The following NOL4 variants were observed in gnomAD, a reference collection of about 807,000 sequenced individuals.
NOL4 encodes the protein nucleolar protein 4, also known as cancer/testis antigen 125.
NOL4 carries 17 observed loss-of-function variants against 75.9 expected under a neutral mutation model. The ratio of observed to expected loss-of-function variants is 0.22; its 90% CI spans 0.15 to 0.34. The LOEUF (loss-of-function observed/expected upper bound fraction) is 0.34, where lower values mean the gene tolerates loss of function less well. Among genes scored for constraint, NOL4 ranks in the 10% least tolerant of loss-of-function variants. NOL4 has a pLI of 1.00. For missense variants in NOL4, 614 were observed against 793.5 expected (o/e 0.77, Z 2.72); for synonymous variants, 292 against 289.9 (o/e 1.01, Z -0.07).
intron 6 of NOL4, among the ~76,000 whole-genome samples, chr18:33,968,041 G>A (rs1600091151): frequency 1.3e-5 from 2 of 152,050 alleles, no homozygotes; most frequent in South Asian, 2.1e-4. Flanking sequence ...AGCCGAGATC[G>A]TGCCACTGCA....
chr18:33,889,401 C>T (rs2064963969), intron 9 of NOL4, among the ~76,000 whole-genome samples: 1 of 151,974 alleles, frequency 6.6e-6, no homozygotes, highest in Admixed American at 6.6e-5. Context: ...CAAAAAAAGT[C>T]CTGGACCAGA....
At chr18:34,200,690 A>T (rs928241378) in intron 1 of NOL4, among the ~76,000 whole-genome samples, 1 of 151,802 alleles carries the variant, frequency 6.6e-6, no homozygotes, top group African/African-American at 2.4e-5. Context: ...TGCAGGGCAT[A>T]CACTTAGGCA....
chr18:33,894,814 C>A (rs2144879989), intron 9 of NOL4, among the ~76,000 whole-genome samples: 1 of 152,148 alleles, frequency 6.6e-6, no homozygotes, highest in Non-Finnish European at 1.5e-5. Context: ...GTTACCCAGC[C>A]TCTGAGCCAG....
At chr18:33,977,711 G>A (rs146972766) in intron 6 of NOL4, among the ~76,000 whole-genome samples, 20 of 152,166 alleles carry the variant, frequency 1.3e-4, no homozygotes, top group African/African-American at 2.9e-4. Context: ...TTATGTTGAC[G>A]TCATGTGACA....
At chr18:33,931,329 G>A (rs572714037) in intron 9 of NOL4, among the ~76,000 whole-genome samples, 1 of 152,276 alleles carries the variant, frequency 6.6e-6, no homozygotes, top group South Asian at 2.1e-4. Context: ...TATAGCAGGT[G>A]CTACTGACAT....
intron 10 of NOL4, among the ~76,000 whole-genome samples, chr18:33,862,487 C>CCT (rs2063198242): frequency 6.6e-6 from 1 of 151,920 alleles, no homozygotes; most frequent in South Asian, 2.1e-4. Context: ...ACCGGCAACG[C>CCT]ACAAAATGGG....
intron 5 of NOL4, among the ~76,000 whole-genome samples, chr18:34,022,276 C>A (rs951062678): frequency 6.6e-6 from 1 of 151,520 alleles, no homozygotes; most frequent in Non-Finnish European, 1.5e-5. Context: ...GTTCAAATGG[C>A]AAAATTCTAG....
chr18:34,110,128 CAAAAAAAAAAAAAAAAAA>C (rs57576599), intron 2 of NOL4, among the ~76,000 whole-genome samples: 17 of 47,866 alleles, frequency 3.6e-4, no homozygotes, highest in South Asian at 3.2e-3. Context: ...CGCCCTCCCA[CAAAAAAAAAAAAAAAAAA>C]AAAAAAAAAA....
At chr18:34,075,100 C>T (rs2077688347) in intron 5 of NOL4, among the ~76,000 whole-genome samples, 1 of 152,108 alleles carries the variant, frequency 6.6e-6, no homozygotes. Flanking sequence ...GTACATTATA[C>T]AGGTTGAGTA....
At chr18:34,158,828 T>G (rs1007343278) in intron 1 of NOL4, among the ~76,000 whole-genome samples, 7 of 152,194 alleles carry the variant, frequency 4.6e-5, no homozygotes, top group African/African-American at 1.7e-4. Flanking sequence ...TGTCTGCTAA[T>G]AGAAGAGGCG....
intron 6 of NOL4, among the ~76,000 whole-genome samples, chr18:33,988,167 C>G (rs1229913308): frequency 6.6e-6 from 1 of 151,950 alleles, no homozygotes; most frequent in Non-Finnish European, 1.5e-5. Context: ...AAAAGAAAAA[C>G]ACTGTCATAG....
At chr18:34,131,476 T>C (rs2080648266) in intron 1 of NOL4, among the ~76,000 whole-genome samples, 1 of 151,972 alleles carries the variant, frequency 6.6e-6, no homozygotes, top group African/African-American at 2.4e-5. Flanking sequence ...TAACCACCTT[T>C]CCTAGGCTGA....
intron 6 of NOL4, among the ~76,000 whole-genome samples, chr18:33,973,029 C>T (rs1410383374): frequency 1.3e-5 from 2 of 152,216 alleles, no homozygotes; most frequent in African/African-American, 2.4e-5. Flanking sequence ...TTCTCTGTAA[C>T]ATGTGAGGTT....
At chr18:34,189,173 A>G (rs964127847) in intron 1 of NOL4, among the ~76,000 whole-genome samples, 2 of 152,202 alleles carry the variant, frequency 1.3e-5, no homozygotes, top group African/African-American at 2.4e-5. Flanking sequence ...CTTGTGCTGC[A>G]TCATAACATG....
intron 5 of NOL4, among the ~76,000 whole-genome samples, chr18:34,026,116 T>C (rs1027990338): frequency 2.0e-5 from 3 of 152,216 alleles, no homozygotes; most frequent in Admixed American, 2.0e-4. Flanking sequence ...TCTAACACAA[T>C]GGTCATTGGC....
chr18:34,056,365 G>A (rs768785703), intron 5 of NOL4, among the ~76,000 whole-genome samples: 7 of 152,064 alleles, frequency 4.6e-5, no homozygotes, highest in Admixed American at 6.6e-5. Context: ...CTCTGGGCTC[G>A]TGTATGTCTT....
At chr18:34,131,073 GACACACAC>G (rs35968611) in intron 1 of NOL4, among the ~76,000 whole-genome samples, 17 of 145,432 alleles carry the variant, frequency 1.2e-4, no homozygotes, top group Admixed American at 6.9e-4. Flanking sequence ...CACATACACC[GACACACAC>G]ACACACACAC....
At chr18:33,984,616 T>C (rs542647489) in intron 6 of NOL4, among the ~76,000 whole-genome samples, 2 of 152,226 alleles carry the variant, frequency 1.3e-5, no homozygotes, top group South Asian at 4.1e-4. Flanking sequence ...GCTCCTGCTC[T>C]GGCCATGTAA....
chr18:33,912,846 A>C (rs975555002), intron 9 of NOL4, among the ~76,000 whole-genome samples: 1 of 152,108 alleles, frequency 6.6e-6, no homozygotes, highest in Middle Eastern at 3.2e-3. Flanking sequence ...CTTTTGTTAG[A>C]CTAAAATCAA....
Sources: gnomAD v4.1 joint callset for allele counts (sites outside exome capture counted in the v4.1 genomes callset) on GRCh38, gnomAD v4.1.1 for gene constraint, MANE v1.5 for transcripts, NCBI Gene and HGNC (gene_info 2026-07-23, HGNC 2026-07-21) for gene names.